MEIKIN: variants seen among roughly 807,000 people sequenced by gnomAD.
MEIKIN encodes meiosis-specific kinetochore protein.
chr5:131,815,444 T>C (rs1208311117), intron 12 of MEIKIN, among the ~76,000 whole-genome samples: 6 of 152,200 alleles, frequency 3.9e-5, no homozygotes, highest in Non-Finnish European at 1.5e-5. Context: ...TTAACCCTGG[T>C]GACCCACTAG....
intron 6 of MEIKIN, among the ~76,000 whole-genome samples, chr5:131,917,991 C>A (rs1176293116): frequency 6.6e-6 from 1 of 152,166 alleles, no homozygotes; most frequent in Non-Finnish European, 1.5e-5. Context: ...TGTGAGAGCC[C>A]TGCATCTCGC....
At chr5:131,889,616 G>C (rs1750870078) in intron 8 of MEIKIN, among the ~76,000 whole-genome samples, 1 of 152,234 alleles carries the variant, frequency 6.6e-6, no homozygotes, top group Non-Finnish European at 1.5e-5. Flanking sequence ...TTTGGGCTGA[G>C]AAGATGGGGT....
Position 131,931,680 on chromosome 5 carries a change from C to T in MEIKIN, c.478+1833G>A, listed in dbSNP as rs1751696117. 2.0e-5 allele frequency among the ~76,000 whole-genome samples: 3 copies of T among 152,258 alleles called. No homozygotes were observed. The South Asian group carries it at 6.2e-4, about 32-fold the overall frequency. On this transcript the variant is annotated intron_variant, in intron 5 of 12. Coordinates refer to ENST00000442687, the MANE Select transcript of MEIKIN (RefSeq NM_001303622.2). ...CCTACTGGCTTTGATGTGGCTGGCC[C>T]CATGCTTGCCAGGATGCAGGCGCCT...
At chr5:131,931,916 G>A (rs578637) in intron 5 of MEIKIN, among the ~76,000 whole-genome samples, 55,133 of 151,980 alleles carry the variant, frequency 0.36, 11,997 homozygotes, top group African/African-American at 0.62. Context: ...TTCATATTTA[G>A]AAGTGGGTCC....
At chr5:131,932,824 T>A (rs1430193181) in intron 5 of MEIKIN, among the ~76,000 whole-genome samples, 1 of 152,170 alleles carries the variant, frequency 6.6e-6, no homozygotes, top group African/African-American at 2.4e-5. Context: ...TTACAAGCAT[T>A]TGGCACAACC....
intron 3 of MEIKIN, among the ~76,000 whole-genome samples, chr5:131,943,710 C>T (rs1038204403): frequency 6.6e-6 from 1 of 151,994 alleles, no homozygotes; most frequent in African/African-American, 2.4e-5. Context: ...TATAAATACT[C>T]TACAAGGACT....
At chr5:131,913,116 T>A (rs1353559912) in intron 7 of MEIKIN, among the ~76,000 whole-genome samples, 1 of 152,204 alleles carries the variant, frequency 6.6e-6, no homozygotes. Flanking sequence ...CGTTGGAGGT[T>A]TACCTATCAC....
chr5:131,807,966 T>C lies in MEIKIN; in HGVS notation c.1100-708A>G, dbSNP rs544960275. Among the ~76,000 whole-genome samples, 9 of 152,346 alleles carry C rather than the reference T, an allele frequency of 5.9e-5. No homozygotes were observed. The East Asian group carries it at 7.7e-4, about 13-fold the overall frequency. ...ATATCAGACAACCAGGAAGGTATGA[T>C]GTGCAGCTAAGCTGAGAACCAGACA... On this transcript the variant is annotated intron_variant, in intron 12 of 12. Transcript: ENST00000442687.
chr5:131,924,001 T>C (rs917911980), intron 5 of MEIKIN, among the ~76,000 whole-genome samples: 1 of 152,082 alleles, frequency 6.6e-6, no homozygotes, highest in Non-Finnish European at 1.5e-5. Context: ...TTCCTGCCAG[T>C]TCCTGTCGAA....
chr5:131,816,636 ATAACTTT>A (rs755060147), intron 12 of MEIKIN, among the ~76,000 whole-genome samples: 83 of 152,302 alleles, frequency 5.4e-4, no homozygotes, highest in Middle Eastern at 3.4e-3. Flanking sequence ...TCTATCCTCT[ATAACTTT>A]CAACCTCTCT....
chr5:131,861,515 G>T (rs552233578), intron 9 of MEIKIN, among the ~76,000 whole-genome samples: 1 of 152,280 alleles, frequency 6.6e-6, no homozygotes, highest in South Asian at 2.1e-4. Context: ...TGGGGAAGGT[G>T]GGCATTCTTG....
chr5:131,815,734 A>G (rs1185878767), intron 12 of MEIKIN, among the ~76,000 whole-genome samples: 2 of 152,216 alleles, frequency 1.3e-5, no homozygotes, highest in Non-Finnish European at 2.9e-5. Flanking sequence ...TGTTAATTTT[A>G]TCATACCCTG....
chr5:131,933,776 A>T (rs1751727278), intron 4 of MEIKIN, 135 bp from the exon 5 acceptor site: 1 of 383,046 alleles, frequency 2.6e-6, no homozygotes, highest in Admixed American at 4.5e-5. Flanking sequence ...TTCTACATAC[A>T]ACTAAAAAGG....
intron 12 of MEIKIN, among the ~76,000 whole-genome samples, chr5:131,812,059 G>GC (rs1280244328): frequency 5.3e-5 from 8 of 152,064 alleles, no homozygotes; most frequent in African/African-American, 1.9e-4. Flanking sequence ...TCCAAGTAAT[G>GC]CCCCCACTCC....
At position 131,846,716 on chromosome 5, in the gene MEIKIN, G is replaced by A. The variant is rs374830931; in HGVS notation, c.975+4548C>T. ...CATGCCTGCAGTCCCACCTACTCAG[G>A]AAGCCAAACTGGGAGGACTGCTTGA... On this transcript the variant is annotated intron_variant, in intron 11 of 12. Transcript: ENST00000442687. Among the ~76,000 whole-genome samples, 9 of 152,118 alleles carry A rather than the reference G, an allele frequency of 5.9e-5. No homozygotes were observed. In the East Asian group the frequency reaches 1.4e-3, roughly 23 times the overall value.
chr5:131,814,226 A>G (rs535291490), intron 12 of MEIKIN, among the ~76,000 whole-genome samples: 176 of 152,014 alleles, frequency 1.2e-3, no homozygotes, highest in Non-Finnish European at 1.9e-3. Context: ...GTTGACACTC[A>G]GTAATCCATC....
chr5:131,830,587 AC>A (rs1252850902), intron 11 of MEIKIN, among the ~76,000 whole-genome samples: 1 of 152,234 alleles, frequency 6.6e-6, no homozygotes, highest in Non-Finnish European at 1.5e-5. Context: ...AAACTTTGTC[AC>A]CTGACCACAG....
chr5:131,903,084 A>C (rs1751185517), intron 8 of MEIKIN, among the ~76,000 whole-genome samples: 1 of 152,196 alleles, frequency 6.6e-6, no homozygotes, highest in South Asian at 2.1e-4. Flanking sequence ...GTACAAAAGA[A>C]CTCAGATAAA....
chr5:131,939,370 GCTT>G lies in MEIKIN; in HGVS notation c.349+3262_349+3264del, dbSNP rs1450915190. On this transcript the variant is annotated intron_variant, in intron 4 of 12. Transcript: ENST00000442687. ...CTCTACTCTAGACACCTAGTTTTCA[GCTT>G]TTTTTTTTTTTAAGATCTGTTAGGT... Among the ~76,000 whole-genome samples the G allele has an allele frequency of 4.7e-5, 7 of 150,082 alleles. No homozygotes were observed. The South Asian group carries it at 1.5e-3, about 32-fold the overall frequency.
Sources: gnomAD v4.1 joint callset for allele counts (sites outside exome capture counted in the v4.1 genomes callset) on GRCh38, gnomAD v4.1.1 for gene constraint, MANE v1.5 for transcripts, NCBI Gene and HGNC (gene_info 2026-07-23, HGNC 2026-07-21) for gene names.